Variants in YAF2 observed in about 807,000 individuals in gnomAD.
YAF2 encodes the protein YY1-associated factor 2.
YAF2 carries 7 observed loss-of-function variants against 20.1 expected under a neutral mutation model. The ratio of observed to expected loss-of-function variants is 0.35; its 90% CI spans 0.20 to 0.65. The LOEUF (loss-of-function observed/expected upper bound fraction) is 0.65. Among genes scored for constraint, YAF2 ranks in the 30% least tolerant of loss-of-function variants. YAF2 has a pLI of 0.69. For missense variants in YAF2, 151 were observed against 219.2 expected, an observed-to-expected ratio of 0.69 and a Z score of 1.96; for synonymous variants, 74 against 76.0, an observed-to-expected ratio of 0.97 and a Z score of 0.14.
intron 2 of YAF2, among the ~76,000 whole-genome samples, chr12:42,173,056 G>C (rs1373601183): frequency 6.6e-6 from 1 of 152,108 alleles, no homozygotes; most frequent in Non-Finnish European, 1.5e-5. Context: ...GACAGAGAGA[G>C]AGAGAGGGAG....
At position 42,160,650 on chromosome 12, in the gene YAF2, C is replaced by CCT; in HGVS notation, c.480_481dup (p.Gly161GlufsTer16). ...TCTGGGTGAAGATGACCTGGACATT[C>CCT]CTCTCTCTGTGTTATCAGAGCTAGA... is the stretch of plus-strand genomic sequence containing the variant. On this transcript the variant is annotated frameshift_variant, in exon 4 of 4. Transcript: ENST00000534854. LOFTEE classifies it high-confidence loss of function. 6.2e-7 allele frequency: 1 copy of CCT among 1,613,776 alleles called. No homozygotes were observed. The highest frequency in any genetic ancestry group is 8.5e-7 in the Non-Finnish European group (1 of 1,179,862).
At chr12:42,213,781 T>C (rs1246172930) in intron 2 of YAF2, among the ~76,000 whole-genome samples, 1 of 152,240 alleles carries the variant, frequency 6.6e-6, no homozygotes, top group Non-Finnish European at 1.5e-5. Context: ...GTGTGTATAT[T>C]AATGACCTTT....
Position 42,220,093 on chromosome 12 carries a change from C to T in YAF2, c.152+17506G>A, listed in dbSNP as rs147558020. Among the ~76,000 whole-genome samples the T allele has an allele frequency of 1.3e-3, 201 of 152,208 alleles. 2 individuals are homozygous for T. The highest frequency in any genetic ancestry group is 4.4e-3 in the African/African-American group (184 of 41,530). ...AGGTGAGAATGGTTATGAGAAGGCC[C>T]TAAAATGGGAAAAAGTCTACTTTTT... On this transcript the variant is annotated intron_variant, in intron 2 of 3. Coordinates refer to ENST00000534854, the MANE Select transcript of YAF2 (RefSeq NM_005748.6).
Position 42,158,410 on chromosome 12 carries a change from T to C in YAF2, c.*2179A>G, listed in dbSNP as rs891697564. On this transcript the variant is annotated 3_prime_UTR_variant, in exon 4 of 4. Transcript: ENST00000534854. ...AAAAAATATTTTTGTATTTTTGTAA[T>C]GGGATTTTACCTATAACAATGGTAA... 2.0e-5 allele frequency: 3 copies of C among 152,302 alleles called. No homozygotes were observed. The highest frequency in any genetic ancestry group is 1.9e-4 in the East Asian group (1 of 5,186). The allele number at this position is 152,302 out of a possible 1,614,324, so 9.4% of individuals were successfully genotyped here.
intron 2 of YAF2, among the ~76,000 whole-genome samples, chr12:42,197,054 GTT>G (rs2066771894): frequency 6.6e-6 from 1 of 152,212 alleles, no homozygotes; most frequent in African/African-American, 2.4e-5. Flanking sequence ...CTCAGTAAAT[GTT>G]TAGTGATGAG....
intron 2 of YAF2, among the ~76,000 whole-genome samples, chr12:42,164,950 G>A (rs1033554111): frequency 6.6e-6 from 1 of 151,702 alleles, no homozygotes; most frequent in African/African-American, 2.4e-5. Context: ...GCGCCTGTAG[G>A]AGGCTGAGGT....
At chr12:42,202,009 T>C (rs535684156) in intron 2 of YAF2, among the ~76,000 whole-genome samples, 1 of 152,380 alleles carries the variant, frequency 6.6e-6, no homozygotes, top group African/African-American at 2.4e-5. Context: ...TGCATACTCA[T>C]CTATACTATC....
At chr12:42,227,720 C>CA in intron 2 of YAF2, among the ~76,000 whole-genome samples, 2 of 150,394 alleles carry the variant, frequency 1.3e-5, no homozygotes, top group African/African-American at 2.5e-5. Flanking sequence ...CGTCTCCGCC[C>CA]GGCAGCCACC....
In YAF2 at chr12:42,187,234, G is replaced by A. The variant is rs148620570; in HGVS notation, c.153-25469C>T. ...TGCAGTGGCACAATCATAGTTCACT[G>A]TGACCTCAAACTCCTGGGCTCAAGC... On this transcript the variant is annotated intron_variant, in intron 2 of 3. Transcript: ENST00000534854. Among the ~76,000 whole-genome samples, 947 of 152,166 alleles carry A rather than the reference G, an allele frequency of 6.2e-3. 8 individuals are homozygous for A. Among genetic ancestry groups the A allele is most frequent in the African/African-American group, 0.022 (893 of 41,512 alleles).
intron 2 of YAF2, chr12:42,210,673 T>A: frequency 1.3e-6 from 2 of 1,535,220 alleles, no homozygotes; most frequent in Non-Finnish European, 1.7e-6. Flanking sequence ...GATCCAGCTT[T>A]TTCTTCTCTA....
Position 42,158,822 on chromosome 12 carries a change from T to C in YAF2, c.*1767A>G, listed in dbSNP as rs919612448. 6.6e-6 allele frequency: 1 copy of C among 152,210 alleles called. No homozygotes were observed. Among genetic ancestry groups the C allele is most frequent in the Admixed American group, 6.5e-5 (1 of 15,272 alleles). The allele number at this position is 152,210 out of a possible 1,614,324, so 9.4% of individuals were successfully genotyped here. On this transcript the variant is annotated 3_prime_UTR_variant, in exon 4 of 4. Transcript: ENST00000534854. Reference sequence around the variant, plus strand: ...CATAAGATGTAATTCCTTTAAAGCATAGTTTTTGACTTAAAAATTAAATAT... The same window carrying C: ...CATAAGATGTAATTCCTTTAAAGCACAGTTTTTGACTTAAAAATTAAATAT...
rs2065738798 is a variant in YAF2 at position 42,158,234 on chromosome 12, C to T, written c.*2355G>A. The T allele has an allele frequency of 6.6e-6, 1 of 152,142 alleles. No homozygotes were observed. The highest frequency in any genetic ancestry group is 1.5e-5 in the Non-Finnish European group (1 of 68,014). The allele number at this position is 152,142 out of a possible 1,614,324, so 9.4% of individuals were successfully genotyped here. On this transcript the variant is annotated 3_prime_UTR_variant, in exon 4 of 4. Coordinates refer to ENST00000534854, the MANE Select transcript of YAF2 (RefSeq NM_005748.6). ...AGTCAACTTAATTCATTTCTCCAAT[C>T]TCATAGTGCACACCCACCAGGTTCT...
At chr12:42,181,501 G>C (rs1298543839) in intron 2 of YAF2, among the ~76,000 whole-genome samples, 1 of 152,158 alleles carries the variant, frequency 6.6e-6, no homozygotes. Context: ...TCCGGGAACA[G>C]CTTACTGCAG....
chr12:42,228,359 C>T (rs2067838170), intron 2 of YAF2, among the ~76,000 whole-genome samples: 1 of 69,536 alleles, frequency 1.4e-5, no homozygotes, highest in South Asian at 6.7e-4. Flanking sequence ...GCGCCTCTGC[C>T]CGGCCGCCCC....
chr12:42,226,803 T>G (rs1300755966), intron 2 of YAF2, among the ~76,000 whole-genome samples: 2 of 152,212 alleles, frequency 1.3e-5, no homozygotes, highest in East Asian at 3.9e-4. Context: ...ATAGTCAAAT[T>G]TGAAGAAACA....
rs1173533325 is a variant in YAF2 at position 42,211,742 on chromosome 12, C to CAA, written c.152+25855_152+25856dup. ...CTGGGCAACAGAGGGAGACTCTGTC[C>CAA]AAAAAAAAAAAAAAAAAAAAAGTCA... On this transcript the variant is annotated intron_variant, in intron 2 of 3. Coordinates refer to ENST00000534854, the MANE Select transcript of YAF2 (RefSeq NM_005748.6). Among the ~76,000 whole-genome samples the CAA allele has an allele frequency of 4.7e-3, 199 of 42,352 alleles. 2 individuals carry two copies. Among genetic ancestry groups the CAA allele is most frequent in the Non-Finnish European group, 6.1e-3 (120 of 19,756 alleles). The allele number at this position is 42,352 out of a possible 152,430, so 27.8% of individuals were successfully genotyped here.
chr12:42,228,114 T>A (rs1399622213), intron 2 of YAF2, among the ~76,000 whole-genome samples: 5 of 61,302 alleles, frequency 8.2e-5, no homozygotes, highest in South Asian at 9.5e-4. Flanking sequence ...GGAGCCCCTC[T>A]GCCCGGCCAG....
chr12:42,179,650 G>A lies in YAF2; in HGVS notation c.153-17885C>T, dbSNP rs191973680. On this transcript the variant is annotated intron_variant, in intron 2 of 3. Transcript: ENST00000534854. ...CAAAAAATATAAAAATGAGCCAGGC[G>A]TGGTGGCACGTGCCACCCAGCTACT... Among the ~76,000 whole-genome samples, 298 of 152,050 alleles carry A rather than the reference G, an allele frequency of 2.0e-3. 1 individual carries two copies. Among genetic ancestry groups the A allele is most frequent in the African/African-American group, 6.6e-3 (275 of 41,496 alleles).
At chr12:42,233,537 G>C (rs1267203401) in intron 2 of YAF2, 1 of 931,876 alleles carries the variant, frequency 1.1e-6, no homozygotes, top group African/African-American at 1.8e-5. Flanking sequence ...TTTGAGACAA[G>C]GTCTCACTCT....
Sources: allele counts gnomAD v4.1 joint callset (sites outside exome capture counted in the v4.1 genomes callset), GRCh38; gene constraint gnomAD v4.1.1; transcripts MANE v1.5; gene names NCBI Gene and HGNC (gene_info 2026-07-23, HGNC 2026-07-21).